The following THRAP3 variants were observed in gnomAD, a reference collection of about 807,000 sequenced individuals.
The protein encoded by THRAP3 is thyroid hormone receptor-associated protein 3.
Under a neutral mutation model 101.0 loss-of-function variants are expected in THRAP3, and 16 were observed. The ratio of observed to expected loss-of-function variants is 0.16; its 90% confidence interval spans 0.11 to 0.24. The LOEUF is 0.24. Among genes scored for constraint, THRAP3 ranks in the 10% least tolerant of loss-of-function variants. The pLI, the probability that THRAP3 is intolerant of heterozygous loss-of-function variation, is 1.00. For synonymous variants in THRAP3, 407 were observed against 422.6 expected (o/e 0.96, Z 0.45); for missense variants, 989 against 1,202.7 (o/e 0.82, Z 2.63).
chr1:36,231,666 A>C (rs1396569886), intron 1 of THRAP3, among the ~76,000 whole-genome samples: 1 of 152,164 alleles, frequency 6.6e-6, no homozygotes, highest in Non-Finnish European at 1.5e-5. Flanking sequence ...AAAGGATGGC[A>C]TGAATAAAGG....
At chr1:36,282,395 A>G in intron 2 of THRAP3, 138 bp from the exon 3 acceptor site, 1 of 598,422 alleles carries the variant, frequency 1.7e-6, no homozygotes, top group Non-Finnish European at 2.8e-6. Flanking sequence ...ATTAAAAAAA[A>G]ATTTTTTTTT....
chr1:36,293,393 T>G (rs1165074357), intron 7 of THRAP3, among the ~76,000 whole-genome samples: 1 of 152,198 alleles, frequency 6.6e-6, no homozygotes, highest in Non-Finnish European at 1.5e-5. Context: ...CATGGGTAGT[T>G]GGATTCTTCT....
At chr1:36,254,199 A>G (rs1408989167) in intron 1 of THRAP3, among the ~76,000 whole-genome samples, 1 of 152,242 alleles carries the variant, frequency 6.6e-6, no homozygotes, top group Non-Finnish European at 1.5e-5. Context: ...GAAACTGCTG[A>G]TAAATAACCT....
intron 9 of THRAP3, among the ~76,000 whole-genome samples, chr1:36,298,494 ATTTTTAT>A (rs1270092615): frequency 6.6e-6 from 1 of 151,958 alleles, no homozygotes; most frequent in Non-Finnish European, 1.5e-5. Flanking sequence ...TGATTTATTT[ATTTTTAT>A]TTTTTATTTT....
Position 36,304,146 on chromosome 1 carries a change from T to C in THRAP3, c.*129T>C. Reference sequence around the variant, plus strand: ...CCCCACCCCCCACCAGCCGCACAGATTGTACTACCGCGAGAGGCATCCCTG... The same window carrying C: ...CCCCACCCCCCACCAGCCGCACAGACTGTACTACCGCGAGAGGCATCCCTG... On this transcript the variant is annotated 3_prime_UTR_variant, in exon 12 of 12. Coordinates refer to ENST00000354618, the MANE Select transcript of THRAP3 (RefSeq NM_005119.4). 2 of 1,368,708 alleles carry C rather than the reference T, an allele frequency of 1.5e-6. No homozygotes were observed. The highest frequency in any genetic ancestry group is 1.9e-6 in the Non-Finnish European group (2 of 1,034,240). 84.8% of individuals were successfully genotyped at this position (1,368,708 alleles called of 1,614,324 possible).
chr1:36,240,656 C>T (rs2124397925), intron 1 of THRAP3, among the ~76,000 whole-genome samples: 1 of 152,218 alleles, frequency 6.6e-6, no homozygotes, highest in East Asian at 1.9e-4. Context: ...AAGTTGACAC[C>T]TAATATTAAC....
the THRAP3 span, among the ~76,000 whole-genome samples, chr1:36,218,761 G>A: frequency 5.3e-5 from 8 of 150,986 alleles, no homozygotes; most frequent in East Asian, 1.9e-4. Flanking sequence ...CAGGCCAGGC[G>A]TGGTGGCTCA....
chr1:36,254,031 C>T (rs532515099), intron 1 of THRAP3, among the ~76,000 whole-genome samples: 2 of 152,128 alleles, frequency 1.3e-5, no homozygotes. Flanking sequence ...AAATTTCATA[C>T]TCAGCCCTGA....
chr1:36,219,494 G>A (rs1254154715), upstream of THRAP3, among the ~76,000 whole-genome samples: 2 of 151,914 alleles, frequency 1.3e-5, no homozygotes, highest in Non-Finnish European at 2.9e-5. Flanking sequence ...GAGCAATCTC[G>A]GCTCACTGTA....
At chr1:36,295,244 A>AG (rs990306763) in intron 8 of THRAP3, among the ~76,000 whole-genome samples, 1 of 152,102 alleles carries the variant, frequency 6.6e-6, no homozygotes, top group African/African-American at 2.4e-5. Flanking sequence ...AAGGAAAAAA[A>AG]AAAAAAAGAA....
At chr1:36,209,394 G>A in the THRAP3 span, among the ~76,000 whole-genome samples, 1 of 152,156 alleles carries the variant, frequency 6.6e-6, no homozygotes, top group Non-Finnish European at 1.5e-5. Flanking sequence ...TTCGTTGTGA[G>A]GGATTTGTCT....
Position 36,295,297 on chromosome 1 carries a change from T to A in THRAP3, c.2116-1286T>A, listed in dbSNP as rs191372037. Among the ~76,000 whole-genome samples the A allele has an allele frequency of 4.9e-3, 751 of 152,164 alleles. 4 individuals are homozygous for A. Among genetic ancestry groups the A allele is most frequent in the Middle Eastern group, 0.02 (6 of 294 alleles). On this transcript the variant is annotated intron_variant, in intron 8 of 11. Coordinates refer to ENST00000354618, the MANE Select transcript of THRAP3 (RefSeq NM_005119.4). ...ACTCCTGCTGTTAAACTTTTTTTTT[T>A]AAAAGTTTAGTAGTTCACATATGTA...
At chr1:36,260,557 T>A (rs1197552521) in intron 2 of THRAP3, among the ~76,000 whole-genome samples, 1 of 152,196 alleles carries the variant, frequency 6.6e-6, no homozygotes, top group Non-Finnish European at 1.5e-5. Flanking sequence ...GGCACCTGGC[T>A]CACGCCTGTA....
At chr1:36,266,414 T>G (rs1202230927) in intron 2 of THRAP3, among the ~76,000 whole-genome samples, 3 of 152,192 alleles carry the variant, frequency 2.0e-5, no homozygotes, top group Non-Finnish European at 4.4e-5. Context: ...CCCCTCTGCC[T>G]GCTGTATTTT....
chr1:36,219,800 T>G (rs1644893912), upstream of THRAP3, among the ~76,000 whole-genome samples: 1 of 152,128 alleles, frequency 6.6e-6, no homozygotes, highest in Non-Finnish European at 1.5e-5. Context: ...CTTTCATAGC[T>G]AGAGAGCAGA....
At chr1:36,288,004 T>C (rs1645817534) in intron 4 of THRAP3, 1 of 954,170 alleles carries the variant, frequency 1.0e-6, no homozygotes, top group Non-Finnish European at 1.2e-6. Context: ...CCTTTTTTTT[T>C]CTTTTATCGT....
chr1:36,256,210 GTTATTA>G (rs1557821778), intron 1 of THRAP3, among the ~76,000 whole-genome samples: 1 of 139,814 alleles, frequency 7.2e-6, no homozygotes, highest in East Asian at 2.1e-4. Flanking sequence ...TATTATTATT[GTTATTA>G]TTGTTATTAT....
chr1:36,283,223 A>G (rs1393869169), intron 3 of THRAP3, among the ~76,000 whole-genome samples: 1 of 152,236 alleles, frequency 6.6e-6, no homozygotes, highest in South Asian at 2.1e-4. Context: ...AAAACTTTTT[A>G]AAAATCGCTA....
intron 4 of THRAP3, 128 bp from the exon 5 acceptor site, chr1:36,288,932 T>C: frequency 7.5e-7 from 1 of 1,334,974 alleles, no homozygotes. Flanking sequence ...TAGAAAGTCC[T>C]TTGGTAATAC....
Sources: allele counts gnomAD v4.1 joint callset (sites outside exome capture counted in the v4.1 genomes callset), GRCh38; gene constraint gnomAD v4.1.1; transcripts MANE v1.5; gene names NCBI Gene and HGNC (gene_info 2026-07-23, HGNC 2026-07-21).